Variants in RBMS3 observed in about 807,000 individuals in gnomAD.
RBMS3 encodes the protein RNA-binding motif, single-stranded-interacting protein 3.
RBMS3 carries 27 observed loss-of-function variants against 66.8 expected under a neutral mutation model. That is an observed-to-expected ratio of 0.40 (90% confidence interval 0.30 to 0.56). The LOEUF is 0.56. Ranked by LOEUF, RBMS3 falls within the 20% of genes least tolerant of loss-of-function variation. The pLI is 0.40. For missense variants in RBMS3, 513 were observed against 549.5 expected, an observed-to-expected ratio of 0.93 and a Z score of 0.66; for synonymous variants, 188 against 183.0, an observed-to-expected ratio of 1.03 and a Z score of -0.22.
At chr3:29,624,915 C>A (rs1255985478) in intron 4 of RBMS3, among the ~76,000 whole-genome samples, 1 of 152,060 alleles carries the variant, frequency 6.6e-6, no homozygotes, top group African/African-American at 2.4e-5. Context: ...TGTGTCCCCA[C>A]CCAAATCTCA....
intron 1 of RBMS3, among the ~76,000 whole-genome samples, chr3:29,430,038 T>G (rs2041119486): frequency 6.6e-6 from 1 of 152,200 alleles, no homozygotes; most frequent in Non-Finnish European, 1.5e-5. Flanking sequence ...TTTCACAAAT[T>G]AATTCATTTA....
rs1696419719 is a variant in RBMS3 at position 29,961,227 on chromosome 3, T to C, written c.1098+16973T>C. On this transcript the variant is annotated intron_variant, in intron 12 of 14. Coordinates refer to ENST00000383767, the MANE Select transcript of RBMS3 (RefSeq NM_001003793.3). Reference sequence around the variant, plus strand: ...TGCCTCCAGTCTCTTTGCTAAAGCATGGCAAGAGTCACCTTTGTTCTAGTT... The same window carrying C: ...TGCCTCCAGTCTCTTTGCTAAAGCACGGCAAGAGTCACCTTTGTTCTAGTT... Among the ~76,000 whole-genome samples the C allele has an allele frequency of 3.9e-5, 6 of 152,318 alleles. No individual in the cohort carries two copies. In the South Asian group the frequency reaches 1.2e-3, roughly 32 times the overall value.
intron 4 of RBMS3, chr3:29,617,115 G>A (rs2048699884): frequency 6.6e-6 from 1 of 152,178 alleles, no homozygotes; most frequent in Admixed American, 6.5e-5. Flanking sequence ...CACTTAACTT[G>A]TGATAATTCA....
At chr3:29,789,384 A>C (rs1490635504) in intron 6 of RBMS3, among the ~76,000 whole-genome samples, 1 of 152,042 alleles carries the variant, frequency 6.6e-6, no homozygotes, top group Non-Finnish European at 1.5e-5. Context: ...TCTAGAATTT[A>C]TTTTAGCATT....
intron 1 of RBMS3, among the ~76,000 whole-genome samples, chr3:29,376,862 G>T (rs2038498367): frequency 6.6e-6 from 1 of 152,020 alleles, no homozygotes; most frequent in Non-Finnish European, 1.5e-5. Context: ...CCGAGATCGT[G>T]CCACTGCACT....
intron 1 of RBMS3, among the ~76,000 whole-genome samples, chr3:29,415,051 ATG>A (rs1262772127): frequency 5.0e-4 from 76 of 152,330 alleles, no homozygotes; most frequent in Non-Finnish European, 1.2e-4. Flanking sequence ...GACCATTTAG[ATG>A]TGAGTGGCCA....
chr3:29,814,763 TA>T (rs1229650498), intron 6 of RBMS3, among the ~76,000 whole-genome samples: 18 of 152,316 alleles, frequency 1.2e-4, no homozygotes, highest in Non-Finnish European at 2.2e-4. Flanking sequence ...ACATGTACCC[TA>T]AAACTTAAAG....
chr3:29,748,661 A>C (rs1299646726), intron 5 of RBMS3, among the ~76,000 whole-genome samples: 1 of 152,162 alleles, frequency 6.6e-6, no homozygotes, highest in Non-Finnish European at 1.5e-5. Context: ...CATGATCAAA[A>C]GTCTCCAACT....
At chr3:29,746,367 A>G (rs2054891211) in intron 5 of RBMS3, among the ~76,000 whole-genome samples, 1 of 152,230 alleles carries the variant, frequency 6.6e-6, no homozygotes, top group Admixed American at 6.5e-5. Context: ...GCAAATCTCT[A>G]AAGTGTAAAC....
chr3:29,689,100 A>AATAGAT (rs11271452), intron 4 of RBMS3, among the ~76,000 whole-genome samples: 2,600 of 151,662 alleles, frequency 0.017, 46 homozygotes, highest in East Asian at 0.05. Context: ...CCTATATAGA[A>AATAGAT]ATAGATATAG....
At chr3:29,926,514 G>A (rs911790350) in intron 10 of RBMS3, among the ~76,000 whole-genome samples, 4 of 152,128 alleles carry the variant, frequency 2.6e-5, no homozygotes, top group Non-Finnish European at 5.9e-5. Flanking sequence ...TCTCTTGATC[G>A]CCCCTGTGGT....
intron 1 of RBMS3, among the ~76,000 whole-genome samples, chr3:29,430,832 T>C (rs1401320659): frequency 1.3e-5 from 2 of 151,870 alleles, no homozygotes; most frequent in Non-Finnish European, 2.9e-5. Context: ...ATTCAAAGAA[T>C]TTGGAGAGAG....
intron 3 of RBMS3, among the ~76,000 whole-genome samples, chr3:29,544,215 T>C (rs1576179024): frequency 6.6e-6 from 1 of 152,288 alleles, no homozygotes; most frequent in South Asian, 2.1e-4. Context: ...AGTTTCACTT[T>C]TGCTAGAGTT....
chr3:29,549,854 G>A (rs1199335988), intron 3 of RBMS3, among the ~76,000 whole-genome samples: 1 of 151,478 alleles, frequency 6.6e-6, no homozygotes, highest in Non-Finnish European at 1.5e-5. Context: ...CTAGCTTTAC[G>A]TGACCCAACA....
Position 29,868,967 on chromosome 3 carries a change from G to C in RBMS3, c.744+3G>C. On this transcript the variant is annotated splice_donor_region_variant and intron_variant, in intron 7 of 14. Transcript: ENST00000383767. ...GGCCTTGGCCCAGGGAAGGAGAGGTGAGTCCTGACTGATAACATTTGCTCT... is the reference window on the plus strand; with the variant it reads ...GGCCTTGGCCCAGGGAAGGAGAGGTCAGTCCTGACTGATAACATTTGCTCT... The C allele has an allele frequency of 1.3e-6, 2 of 1,586,426 alleles. No individual in the cohort carries two copies. Among genetic ancestry groups the C allele is most frequent in the Non-Finnish European group, 1.7e-6 (2 of 1,164,620 alleles).
intron 8 of RBMS3, among the ~76,000 whole-genome samples, chr3:29,889,196 G>A (rs1261339146): frequency 1.3e-5 from 2 of 151,502 alleles, no homozygotes; most frequent in Non-Finnish European, 3.0e-5. Context: ...TGTTGAACGT[G>A]GAATTCTGTC....
chr3:29,390,571 G>T (rs2039244133), intron 1 of RBMS3, among the ~76,000 whole-genome samples: 2 of 152,044 alleles, frequency 1.3e-5, no homozygotes, highest in South Asian at 4.1e-4. Flanking sequence ...AAAATGAAAA[G>T]ACATGCCTTT....
intron 11 of RBMS3, among the ~76,000 whole-genome samples, chr3:29,938,169 C>A (rs1272886821): frequency 6.6e-6 from 1 of 151,782 alleles, no homozygotes; most frequent in Non-Finnish European, 1.5e-5. Flanking sequence ...CTAAAAGACA[C>A]AGAACAGACT....
At chr3:29,592,518 G>A (rs1193296143) in intron 4 of RBMS3, among the ~76,000 whole-genome samples, 1 of 152,182 alleles carries the variant, frequency 6.6e-6, no homozygotes, top group African/African-American at 2.4e-5. Context: ...ACAGGTGCTG[G>A]AGAGGATGTG....
Sources: allele counts gnomAD v4.1 joint callset (sites outside exome capture counted in the v4.1 genomes callset), GRCh38; gene constraint gnomAD v4.1.1; transcripts MANE v1.5; gene names NCBI Gene and HGNC (gene_info 2026-07-23, HGNC 2026-07-21).